The following DOCK1 variants were observed in gnomAD, a reference collection of about 807,000 sequenced individuals.
DOCK1 encodes the protein dedicator of cytokinesis protein 1.
Under a neutral mutation model 262.7 loss-of-function variants are expected in DOCK1, and 138 were observed. The observed-to-expected ratio is 0.53, with a 90% confidence interval of 0.46 to 0.61. The LOEUF (loss-of-function observed/expected upper bound fraction) is 0.61, where lower values mean the gene tolerates loss of function less well. Ranked by LOEUF, DOCK1 falls within the 20% of genes least tolerant of loss-of-function variation. The probability of loss-of-function intolerance (pLI) is 0.00; values close to 1 mark genes in which losing one functional copy is unlikely to be tolerated. For synonymous variants in DOCK1, 866 were observed against 867.4 expected (o/e 1.00, Z 0.03); for missense variants, 1,908 against 2,370.7 (o/e 0.80, Z 4.05).
chr10:127,184,982 A>T (rs1323657304), intron 27 of DOCK1, among the ~76,000 whole-genome samples: 2 of 152,276 alleles, frequency 1.3e-5, no homozygotes, highest in South Asian at 2.1e-4. Flanking sequence ...AGCAGGAGAG[A>T]GACACGTTGA....
chr10:126,958,632 C>G (rs2036943296), intron 1 of DOCK1, among the ~76,000 whole-genome samples: 1 of 152,084 alleles, frequency 6.6e-6, no homozygotes, highest in Admixed American at 6.6e-5. Context: ...AGGCTGAGTC[C>G]TTTGGGCACC....
chr10:127,417,276 A>C (rs928890865), intron 44 of DOCK1, among the ~76,000 whole-genome samples: 2 of 152,190 alleles, frequency 1.3e-5, no homozygotes, highest in African/African-American at 4.8e-5. Context: ...TGCTCAAGCA[A>C]GACCTCAGGG....
chr10:127,332,376 G>A (rs954933616), intron 29 of DOCK1, among the ~76,000 whole-genome samples: 4 of 152,160 alleles, frequency 2.6e-5, no homozygotes, highest in African/African-American at 7.2e-5. Context: ...GAAAAGAAAG[G>A]GAATCTTGGA....
intron 2 of DOCK1, among the ~76,000 whole-genome samples, chr10:126,976,442 C>G (rs1257970703): frequency 6.6e-6 from 1 of 152,086 alleles, no homozygotes; most frequent in Non-Finnish European, 1.5e-5. Flanking sequence ...GTTAGTCATC[C>G]CTTGGGGATT....
rs538964779 is a variant in DOCK1 at position 127,051,478 on chromosome 10, G to C, written c.2202-1203G>C. Among the ~76,000 whole-genome samples the C allele has an allele frequency of 7.4e-4, 112 of 152,268 alleles. 3 individuals are homozygous for C. Among genetic ancestry groups the C allele is most frequent in the African/African-American group, 2.6e-3 (109 of 41,566 alleles). On this transcript the variant is annotated intron_variant, in intron 21 of 51. Transcript: ENST00000623213. ...CTAGTTTTAGAAAATCAACTAAAATGAATAAAAGTGTCTGAGATGCTTTCC... is the reference window on the plus strand; with the variant it reads ...CTAGTTTTAGAAAATCAACTAAAATCAATAAAAGTGTCTGAGATGCTTTCC...
intron 33 of DOCK1, among the ~76,000 whole-genome samples, chr10:127,368,268 CT>C (rs987922203): frequency 1.5e-4 from 23 of 152,338 alleles, no homozygotes; most frequent in Admixed American, 7.8e-4. Flanking sequence ...TCTTCTGCCT[CT>C]TTTGTCTCTG....
At chr10:127,306,127 G>A (rs2061866691) in intron 29 of DOCK1, among the ~76,000 whole-genome samples, 1 of 146,934 alleles carries the variant, frequency 6.8e-6, no homozygotes, top group Admixed American at 7.1e-5. Context: ...CAATTCTTTT[G>A]CCTCAGCCTC....
At chr10:126,963,219 CT>C (rs1282965950) in intron 1 of DOCK1, among the ~76,000 whole-genome samples, 1 of 152,052 alleles carries the variant, frequency 6.6e-6, no homozygotes, top group African/African-American at 2.4e-5. Flanking sequence ...ATGGGTTTTT[CT>C]ATTTCTGTGG....
chr10:127,339,143 T>C, intron 30 of DOCK1, 59 bp downstream of exon 30: 1 of 1,387,972 alleles, frequency 7.2e-7, no homozygotes, highest in South Asian at 1.2e-5. Context: ...AAATTGCTGG[T>C]CCGAGCCAGT....
At chr10:126,990,747 G>A in intron 6 of DOCK1, 144 bp downstream of exon 6, 2 of 1,126,716 alleles carry the variant, frequency 1.8e-6, no homozygotes, top group Non-Finnish European at 2.4e-6. Flanking sequence ...ATTTTGAAAA[G>A]GATGAGGTAT....
Position 127,085,856 on chromosome 10 carries a change from A to G in DOCK1, c.2446-20375A>G, listed in dbSNP as rs1007233749. Among the ~76,000 whole-genome samples, 19 of 152,174 alleles carry G rather than the reference A, an allele frequency of 1.2e-4. 1 individual carries two copies. In the South Asian group the frequency reaches 3.9e-3, roughly 32 times the overall value. ...CTAAATTATAGAAGCCATTATTATT[A>G]TTTTTCACCATTTTTCTTATTGTAT... On this transcript the variant is annotated intron_variant, in intron 23 of 51. Transcript: ENST00000623213.
intron 27 of DOCK1, among the ~76,000 whole-genome samples, chr10:127,222,104 G>A (rs1564914152): frequency 6.6e-6 from 1 of 152,152 alleles, no homozygotes; most frequent in Non-Finnish European, 1.5e-5. Flanking sequence ...TTTTAATAGC[G>A]TCGTTCATTG....
chr10:127,246,830 A>T (rs184020852), intron 27 of DOCK1, among the ~76,000 whole-genome samples: 5 of 152,336 alleles, frequency 3.3e-5, no homozygotes, highest in African/African-American at 1.2e-4. Context: ...ATTGCTGGTA[A>T]AAGGAGAGTT....
chr10:127,274,843 A>G (rs549643299), intron 29 of DOCK1, among the ~76,000 whole-genome samples: 2 of 152,302 alleles, frequency 1.3e-5, no homozygotes, highest in African/African-American at 2.4e-5. Flanking sequence ...GAGAAATTTA[A>G]TGCTAAGGAA....
chr10:127,297,896 T>C (rs1319025984), intron 29 of DOCK1, among the ~76,000 whole-genome samples: 1 of 152,118 alleles, frequency 6.6e-6, no homozygotes, highest in Non-Finnish European at 1.5e-5. Flanking sequence ...ACCCATTACC[T>C]ATTGGGATGC....
intron 1 of DOCK1, among the ~76,000 whole-genome samples, chr10:126,931,461 A>T (rs2134183408): frequency 6.6e-6 from 1 of 152,208 alleles, no homozygotes; most frequent in African/African-American, 2.4e-5. Context: ...AGCGAGGCCC[A>T]GAAGTGCAGG....
chr10:127,268,688 T>C (rs998615184), intron 29 of DOCK1, among the ~76,000 whole-genome samples: 1 of 152,022 alleles, frequency 6.6e-6, no homozygotes, highest in Admixed American at 6.6e-5. Context: ...TGGTCTTCAC[T>C]TATTAGGGGG....
chr10:127,110,461 A>G (rs2048798668), intron 25 of DOCK1, 107 bp downstream of exon 25: 11 of 939,362 alleles, frequency 1.2e-5, no homozygotes, highest in African/African-American at 9.8e-5. Context: ...GCTGCAACCA[A>G]TTAAAACTGC....
intron 29 of DOCK1, among the ~76,000 whole-genome samples, chr10:127,273,343 A>G (rs1202575196): frequency 1.3e-5 from 2 of 152,096 alleles, no homozygotes; most frequent in Non-Finnish European, 1.5e-5. Flanking sequence ...TACCTTAGCT[A>G]AGGAAGTCTA....
Sources: gnomAD v4.1 joint callset for allele counts (sites outside exome capture counted in the v4.1 genomes callset) on GRCh38, gnomAD v4.1.1 for gene constraint, MANE v1.5 for transcripts, NCBI Gene and HGNC (gene_info 2026-07-23, HGNC 2026-07-21) for gene names.